TRPM3: variants seen among roughly 807,000 people sequenced by gnomAD.
TRPM3 encodes the protein long transient receptor potential channel 3.
A neutral mutation model predicts 181.2 loss-of-function variants in TRPM3; 77 were observed. The ratio of observed to expected loss-of-function variants is 0.42; its 90% confidence interval spans 0.35 to 0.51. The LOEUF (loss-of-function observed/expected upper bound fraction) is 0.51. Among genes scored for constraint, TRPM3 ranks in the 20% least tolerant of loss-of-function variants. The pLI is 0.01. For synonymous variants in TRPM3, 745 were observed against 796.4 expected (o/e 0.94, Z 1.09); for missense variants, 1,759 against 2,196.7 (o/e 0.80, Z 3.98).
At chr9:71,197,117 GAT>G (rs1366894646) in intron 1 of TRPM3, among the ~76,000 whole-genome samples, 2 of 152,050 alleles carry the variant, frequency 1.3e-5, no homozygotes, top group African/African-American at 4.8e-5. Flanking sequence ...GAGAACATGC[GAT>G]GTTTGGTTTT....
At chr9:71,041,680 C>A (rs2058840008) in intron 1 of TRPM3, among the ~76,000 whole-genome samples, 1 of 152,092 alleles carries the variant, frequency 6.6e-6, no homozygotes, top group Non-Finnish European at 1.5e-5. Flanking sequence ...TGGATGAGGG[C>A]CAACTGCTAC....
At chr9:71,098,263 T>C (rs925705670) in intron 1 of TRPM3, among the ~76,000 whole-genome samples, 4 of 152,012 alleles carry the variant, frequency 2.6e-5, no homozygotes, top group Middle Eastern at 3.4e-3. Context: ...AATCCAACAA[T>C]TCTCAGTGTG....
At chr9:71,177,650 C>T (rs1486402898) in intron 1 of TRPM3, among the ~76,000 whole-genome samples, 1 of 152,124 alleles carries the variant, frequency 6.6e-6, no homozygotes, top group East Asian at 1.9e-4. Context: ...TTTTCACATA[C>T]TTAAATATTC....
chr9:71,076,575 C>G (rs1591217204), intron 1 of TRPM3, among the ~76,000 whole-genome samples: 1 of 152,178 alleles, frequency 6.6e-6, no homozygotes, highest in Non-Finnish European at 1.5e-5. Context: ...CCTCCCTCTT[C>G]CATCTCAAAA....
chr9:71,308,897 C>G (rs1030565551), intron 1 of TRPM3, among the ~76,000 whole-genome samples: 1 of 152,090 alleles, frequency 6.6e-6, no homozygotes, highest in African/African-American at 2.4e-5. Context: ...TCCAAGCACA[C>G]CAAAGAATAT....
chr9:70,888,409 C>T (rs1486007150), intron 1 of TRPM3, among the ~76,000 whole-genome samples: 1 of 140,640 alleles, frequency 7.1e-6, no homozygotes, highest in Non-Finnish European at 1.5e-5. Flanking sequence ...GTGTTCCAAT[C>T]CTAGAAGTAA....
intron 1 of TRPM3, among the ~76,000 whole-genome samples, chr9:71,437,864 G>GAA (rs35701065): frequency 8.6e-6 from 1 of 116,406 alleles, no homozygotes; most frequent in Non-Finnish European, 1.8e-5. Flanking sequence ...CGAAACTCCG[G>GAA]AAAAAAAAAA....
intron 1 of TRPM3, among the ~76,000 whole-genome samples, chr9:71,175,044 A>G (rs1209695628): frequency 6.6e-6 from 1 of 152,162 alleles, no homozygotes; most frequent in Non-Finnish European, 1.5e-5. Flanking sequence ...GACGTGTAGG[A>G]AAAAACAAGC....
At chr9:70,556,451 G>A (rs2047730422) in intron 22 of TRPM3, among the ~76,000 whole-genome samples, 1 of 152,130 alleles carries the variant, frequency 6.6e-6, no homozygotes, top group Admixed American at 6.5e-5. Flanking sequence ...GCTGAGTGCA[G>A]TGGCTCATGC....
chr9:71,347,205 T>G (rs1338876373), intron 1 of TRPM3, among the ~76,000 whole-genome samples: 1 of 152,224 alleles, frequency 6.6e-6, no homozygotes, highest in African/African-American at 2.4e-5. Context: ...AGAATAATGT[T>G]GCTAGAAAGG....
At chr9:71,217,532 G>A (rs1021807710) in intron 1 of TRPM3, among the ~76,000 whole-genome samples, 2 of 152,292 alleles carry the variant, frequency 1.3e-5, no homozygotes, top group East Asian at 3.9e-4. Flanking sequence ...GGTATTTAGT[G>A]CAGTACTGTG....
At chr9:71,184,632 T>C (rs535727489) in intron 1 of TRPM3, among the ~76,000 whole-genome samples, 2 of 152,140 alleles carry the variant, frequency 1.3e-5, no homozygotes, top group African/African-American at 2.4e-5. Context: ...AGTGTTAACC[T>C]AGAACTAGCC....
At chr9:71,215,704 C>G (rs2079821857) in intron 1 of TRPM3, among the ~76,000 whole-genome samples, 1 of 152,214 alleles carries the variant, frequency 6.6e-6, no homozygotes, top group Admixed American at 6.5e-5. Flanking sequence ...CCAGAGAACT[C>G]AGTTCCACTT....
At chr9:71,030,820 C>A (rs1215574537) in intron 1 of TRPM3, among the ~76,000 whole-genome samples, 1 of 152,112 alleles carries the variant, frequency 6.6e-6, no homozygotes, top group African/African-American at 2.4e-5. Flanking sequence ...CAAAGACTAA[C>A]TAAATTTAAA....
At chr9:71,409,946 T>C (rs1489666391) in intron 1 of TRPM3, among the ~76,000 whole-genome samples, 1 of 152,128 alleles carries the variant, frequency 6.6e-6, no homozygotes, top group African/African-American at 2.4e-5. Flanking sequence ...AACTCAGGAT[T>C]AAAAAACTCA....
chr9:71,331,860 C>A (rs202012371), intron 1 of TRPM3, among the ~76,000 whole-genome samples: 67 of 1,074 alleles, frequency 0.062, 1 homozygote, highest in South Asian at 0.21. Flanking sequence ...GAAGAGGAGA[C>A]GGAGGAGGAG....
Position 70,655,300 on chromosome 9 carries a change from C to T in TRPM3, c.1346-14640G>A, listed in dbSNP as rs138905562. ...CAGCCTGGGCGAAAGAGTGAGACTC[C>T]GTCTCAAAAAAAAAAAAAAAAAAAA... is the stretch of plus-strand genomic sequence containing the variant. On this transcript the variant is annotated intron_variant, in intron 9 of 25. Transcript: ENST00000677713. 9.0e-3 allele frequency among the ~76,000 whole-genome samples: 763 copies of T among 84,930 alleles called. 14 individuals carry two copies. Among genetic ancestry groups the T allele is most frequent in the African/African-American group, 0.045 (719 of 15,806 alleles). The allele number at this position is 84,930 out of a possible 152,430, so 55.7% of individuals were successfully genotyped here. A position where few individuals can be genotyped will look rare whatever the true frequency, so the allele number is the denominator to read the frequency against.
intron 1 of TRPM3, among the ~76,000 whole-genome samples, chr9:71,380,256 C>A (rs761413977): frequency 1.3e-5 from 2 of 151,748 alleles, no homozygotes; most frequent in Non-Finnish European, 2.9e-5. Flanking sequence ...ATGGGCCATT[C>A]CAGTCCCAAA....
intron 22 of TRPM3, among the ~76,000 whole-genome samples, chr9:70,565,108 T>C (rs962858668): frequency 6.6e-6 from 1 of 152,180 alleles, no homozygotes; most frequent in Non-Finnish European, 1.5e-5. Flanking sequence ...CTGTTGGCTC[T>C]TGTGTTGGGA....
Sources: gnomAD v4.1 joint callset for allele counts (sites outside exome capture counted in the v4.1 genomes callset) on GRCh38, gnomAD v4.1.1 for gene constraint, MANE v1.5 for transcripts, NCBI Gene and HGNC (gene_info 2026-07-23, HGNC 2026-07-21) for gene names.